ARID1A: variants seen among roughly 807,000 people sequenced by gnomAD.
ARID1A encodes the protein AT-rich interactive domain-containing protein 1A.
In ARID1A, 20 loss-of-function variants were observed where a neutral mutation model predicts 212.6. That is an observed-to-expected ratio of 0.09 (90% CI 0.07 to 0.14). The LOEUF is 0.14. Ranked by LOEUF, ARID1A falls within the 10% of genes least tolerant of loss-of-function variation. The pLI, the probability that ARID1A is intolerant of heterozygous loss-of-function variation, is 1.00. For synonymous variants in ARID1A, 1,376 were observed against 1,222.1 expected (o/e 1.13, Z -2.63); for missense variants, 2,587 against 3,059.0 (o/e 0.85, Z 3.64).
At position 26,774,829 on chromosome 1, in the gene ARID1A, C is replaced by T. The variant is rs1426003162; in HGVS notation, c.4602C>T (p.His1534=). The T allele has an allele frequency of 6.2e-7, 1 of 1,613,098 alleles. No individual in the cohort carries two copies. The highest frequency in any genetic ancestry group is 2.2e-5 in the East Asian group (1 of 44,890). Residue 1534 remains histidine (H), a synonymous_variant, in exon 18 of 20, where the codon CAC becomes CAT. Coordinates refer to ENST00000324856, the MANE Select transcript of ARID1A (RefSeq NM_006015.6). This position sits in a 1 kb window ranked among gnomAD's most constrained non-coding sequence, Gnocchi z 5.6. Reference sequence around the variant, plus strand: ...TGAACCGAACAGATGAAATGCTGCACACAGATCAGAGGGCCAACCACGAAG... The same window carrying T: ...TGAACCGAACAGATGAAATGCTGCATACAGATCAGAGGGCCAACCACGAAG... ...HGVNRTDEML[H]TDQRANHEGS...
In ARID1A at chr1:26,762,138, C is replaced by G. The variant is rs539374541; in HGVS notation, c.2252-14C>G. The G allele has an allele frequency of 2.1e-5, 33 of 1,606,434 alleles. No homozygotes were observed. The East Asian group carries it at 3.8e-4, about 19-fold the overall frequency. On this transcript the variant is annotated splice_polypyrimidine_tract_variant and intron_variant, in intron 6 of 19. Coordinates refer to ENST00000324856, the MANE Select transcript of ARID1A (RefSeq NM_006015.6). ...TATAAAGCTAATAACTATATGGATGCTACCCACAAATAGGTTATATGCAGA... is the reference window on the plus strand; with the variant it reads ...TATAAAGCTAATAACTATATGGATGGTACCCACAAATAGGTTATATGCAGA...
At chr1:26,701,901 A>C (rs2080334955) in intron 1 of ARID1A, among the ~76,000 whole-genome samples, 1 of 152,224 alleles carries the variant, frequency 6.6e-6, no homozygotes, top group Non-Finnish European at 1.5e-5. Flanking sequence ...GTTTTAAAAC[A>C]CTAAATAGTC....
intron 4 of ARID1A, among the ~76,000 whole-genome samples, chr1:26,756,744 C>G (rs1296242640): frequency 6.6e-6 from 1 of 151,760 alleles, no homozygotes; most frequent in African/African-American, 2.4e-5. Context: ...GCTCTGTCGC[C>G]CAGGCTGGAG....
intron 4 of ARID1A, among the ~76,000 whole-genome samples, chr1:26,740,809 C>T (rs2080780661): frequency 6.6e-6 from 1 of 152,176 alleles, no homozygotes; most frequent in South Asian, 2.1e-4. Flanking sequence ...CCTTCTGTCT[C>T]ATTTGCATAG....
intron 4 of ARID1A, among the ~76,000 whole-genome samples, chr1:26,738,618 G>T (rs1229608219): frequency 6.6e-6 from 1 of 152,136 alleles, no homozygotes; most frequent in Non-Finnish European, 1.5e-5. Context: ...GAGTGCAGTG[G>T]CACGATCTTG....
intron 4 of ARID1A, among the ~76,000 whole-genome samples, chr1:26,756,602 A>AC (rs2080940199): frequency 6.6e-6 from 1 of 151,490 alleles, no homozygotes; most frequent in Non-Finnish European, 1.5e-5. Context: ...ACAAAAAAAA[A>AC]CCCACAAAGA....
At chr1:26,737,847 A>G (rs965063577) in intron 4 of ARID1A, among the ~76,000 whole-genome samples, 41 of 151,918 alleles carry the variant, frequency 2.7e-4, no homozygotes, top group African/African-American at 9.4e-4. Context: ...CCTGGGCTAC[A>G]AGAGCGAAAC....
Position 26,773,823 on chromosome 1 carries a change from G to A in ARID1A, c.4026G>A (p.Gln1342=), listed in dbSNP as rs2124114662. ...QQQRHDSYGN[Q]FSTQGTPSGS... is the part of the protein sequence containing the mutation. Reference sequence around the variant, plus strand: ...ATAGACATGATTCCTATGGCAATCAGTTCTCCACCCAAGGCACCCCTTCTG... The same window carrying A: ...ATAGACATGATTCCTATGGCAATCAATTCTCCACCCAAGGCACCCCTTCTG... Residue 1342 remains glutamine, a synonymous_variant, in exon 17 of 20, where the codon CAG becomes CAA. Coordinates refer to ENST00000324856, the MANE Select transcript of ARID1A (RefSeq NM_006015.6). 1.2e-6 allele frequency: 2 copies of A among 1,614,134 alleles called. No homozygotes were observed. The highest frequency in any genetic ancestry group is 1.7e-6 in the Non-Finnish European group (2 of 1,180,026).
chr1:26,730,715 A>G lies in ARID1A; in HGVS notation c.1351-437A>G, dbSNP rs144959699. ...ACTAAATGAAAGAGAGAACCAAAGT[A>G]GCTTAGTGATTTTCACACTGTCTGA... On this transcript the variant is annotated intron_variant, in intron 2 of 19. Coordinates refer to ENST00000324856, the MANE Select transcript of ARID1A (RefSeq NM_006015.6). Among the ~76,000 whole-genome samples, 1,511 of 152,272 alleles carry G rather than the reference A, an allele frequency of 9.9e-3. 21 individuals are homozygous for G. Among genetic ancestry groups the G allele is most frequent in the African/African-American group, 0.035 (1,438 of 41,532 alleles).
In ARID1A at chr1:26,752,775, T is replaced by A. The variant is rs12091894; in HGVS notation, c.1921-8081T>A. Among the ~76,000 whole-genome samples the A allele has an allele frequency of 8.4e-3, 1,279 of 152,236 alleles. 15 individuals are homozygous for A. The highest frequency in any genetic ancestry group is 0.029 in the African/African-American group (1,223 of 41,512). On this transcript the variant is annotated intron_variant, in intron 4 of 19. Coordinates refer to ENST00000324856, the MANE Select transcript of ARID1A (RefSeq NM_006015.6). The stretch of plus-strand genomic sequence containing the variant: ...TAGATTTGGTCATTATGGAATTTTT[T>A]ATTCAAGTATTGTCATTTAAGTGGG...
intron 1 of ARID1A, among the ~76,000 whole-genome samples, chr1:26,701,217 A>G (rs1180764879): frequency 2.0e-5 from 3 of 152,314 alleles, no homozygotes; most frequent in Admixed American, 2.0e-4. Flanking sequence ...GGTTGTATTG[A>G]TTGGCTTCAA....
chr1:26,763,433 C>G (rs1201019178), intron 8 of ARID1A, 148 bp downstream of exon 8: 1 of 1,028,030 alleles, frequency 9.7e-7, no homozygotes, highest in Non-Finnish European at 1.4e-6. Flanking sequence ...TTAGATGGGT[C>G]TGAAATTTCA....
chr1:26,775,339 C>A (rs2124125030), intron 18 of ARID1A, 119 bp downstream of exon 18: 1 of 1,451,758 alleles, frequency 6.9e-7, no homozygotes, highest in Non-Finnish European at 9.0e-7. Flanking sequence ...TAAAATAGAA[C>A]CAAAGAACTT....
chr1:26,747,048 CA>C (rs1349859421), intron 4 of ARID1A, among the ~76,000 whole-genome samples: 4 of 152,082 alleles, frequency 2.6e-5, no homozygotes, highest in African/African-American at 7.2e-5. Context: ...GTCAAAAAAA[CA>C]AAACAAACAA....
chr1:26,771,341 A>G lies in ARID1A; in HGVS notation c.3406+15A>G, dbSNP rs1272053577. 1.9e-6 allele frequency: 3 copies of G among 1,612,388 alleles called. No homozygotes were observed. The highest frequency in any genetic ancestry group is 3.3e-5 in the Admixed American group (2 of 59,986). On this transcript the variant is annotated intron_variant, in intron 12 of 19. Transcript: ENST00000324856. The surrounding 1 kb of genome is among the most constrained non-coding windows in gnomAD (Gnocchi z 5.4). ...TCCCTCTCCTGGTAAGGATGGGGTC[A>G]GCGGCCCCACCAAGGCTGAGAGGGC...
intron 3 of ARID1A, among the ~76,000 whole-genome samples, 172 bp downstream of exon 3, chr1:26,731,776 C>T (rs181006841): frequency 2.7e-4 from 41 of 152,240 alleles, no homozygotes; most frequent in Non-Finnish European, 4.4e-5. Flanking sequence ...GGCATAACCT[C>T]CTTAACTGCA....
intron 1 of ARID1A, among the ~76,000 whole-genome samples, chr1:26,713,398 G>T (rs2080471917): frequency 1.4e-5 from 2 of 142,390 alleles, no homozygotes; most frequent in African/African-American, 5.2e-5. Context: ...TTGCTTTGTT[G>T]CGCAGGCTGG....
At position 26,775,608 on chromosome 1, in the gene ARID1A, C is replaced by T. The variant is rs770860271; in HGVS notation, c.5025C>T (p.Ser1675=). 1.9e-6 allele frequency: 3 copies of T among 1,613,916 alleles called. No homozygotes were observed. Among genetic ancestry groups the T allele is most frequent in the East Asian group, 4.5e-5 (2 of 44,896 alleles). ...CGGAGGCATGGCGGGTAATGATGTCCCTCAAGTCTGGTCTCCTGGCAGAGA... is the reference window on the plus strand; with the variant it reads ...CGGAGGCATGGCGGGTAATGATGTCTCTCAAGTCTGGTCTCCTGGCAGAGA... ...GTPEAWRVMM[S]LKSGLLAEST... The change falls in exon 19 of 20, where the codon TCC becomes TCT. Residue 1675 remains serine, a synonymous_variant. Coordinates refer to ENST00000324856, the MANE Select transcript of ARID1A (RefSeq NM_006015.6).
intron 11 of ARID1A, chr1:26,769,618 C>G (rs921615935): frequency 6.6e-6 from 1 of 152,282 alleles, no homozygotes; most frequent in East Asian, 1.9e-4. Flanking sequence ...GGTTGTCCCC[C>G]TCTGTGCCTC....
Sources: gnomAD v4.1 joint callset for allele counts (sites outside exome capture counted in the v4.1 genomes callset) on GRCh38, gnomAD v4.1.1 for gene constraint, Gnocchi (gnomAD v3.1) non-coding constraint, MANE v1.5 for transcripts, NCBI Gene and HGNC (gene_info 2026-07-23, HGNC 2026-07-21) for gene names.